The following MDGA2 variants were observed in gnomAD, a reference collection of about 807,000 sequenced individuals.
The protein encoded by MDGA2 is MAM domain-containing glycosylphosphatidylinositol anchor protein 2.
MDGA2 carries 40 observed loss-of-function variants against 117.8 expected under a neutral mutation model. That is an observed-to-expected ratio of 0.34 (90% CI 0.26 to 0.44). The LOEUF (loss-of-function observed/expected upper bound fraction) is 0.44, where lower values mean the gene tolerates loss of function less well. MDGA2 is among the 20% of genes least tolerant of loss of function. The pLI is 1.00. For missense variants in MDGA2, 1,123 were observed against 1,250.6 expected, an observed-to-expected ratio of 0.90 and a Z score of 1.54; for synonymous variants, 452 against 439.0, an observed-to-expected ratio of 1.03 and a Z score of -0.37.
chr14:47,497,055 G>C (rs1000187993), intron 1 of MDGA2, among the ~76,000 whole-genome samples: 3 of 152,044 alleles, frequency 2.0e-5, no homozygotes, highest in Non-Finnish European at 4.4e-5. Context: ...CTCACACGCT[G>C]CTCACCTCCT....
chr14:47,030,440 G>C (rs1306987722), intron 8 of MDGA2, among the ~76,000 whole-genome samples: 2 of 151,950 alleles, frequency 1.3e-5, no homozygotes, highest in African/African-American at 4.8e-5. Flanking sequence ...CTTGAACCAG[G>C]GAGGCGGAAG....
chr14:47,484,995 C>T (rs988086124), intron 1 of MDGA2, among the ~76,000 whole-genome samples: 5 of 152,028 alleles, frequency 3.3e-5, no homozygotes, highest in African/African-American at 1.2e-4. Context: ...CAGACTAATA[C>T]AGTAAATTGG....
At chr14:46,858,428 C>CT (rs71112466) in intron 14 of MDGA2, among the ~76,000 whole-genome samples, 2,240 of 123,772 alleles carry the variant, frequency 0.018, 35 homozygotes, top group Non-Finnish European at 0.021. Context: ...TTCTTTTTTT[C>CT]TTTTTTTTTT....
chr14:47,310,998 G>T (rs1173585057), intron 1 of MDGA2, among the ~76,000 whole-genome samples: 1 of 152,084 alleles, frequency 6.6e-6, no homozygotes, highest in Non-Finnish European at 1.5e-5. Flanking sequence ...CATATATCAT[G>T]TGGGCAATGA....
intron 2 of MDGA2, among the ~76,000 whole-genome samples, chr14:47,250,474 T>C (rs1887408640): frequency 6.6e-6 from 1 of 152,224 alleles, no homozygotes; most frequent in Non-Finnish European, 1.5e-5. Context: ...ATTCCCAATG[T>C]GATCGTATTA....
chr14:47,084,253 A>T (rs576691291), intron 6 of MDGA2, among the ~76,000 whole-genome samples: 1 of 152,232 alleles, frequency 6.6e-6, no homozygotes, highest in East Asian at 1.9e-4. Context: ...ATTATAGGAA[A>T]TCTCCAAATT....
intron 1 of MDGA2, among the ~76,000 whole-genome samples, chr14:47,371,146 C>T (rs1166299158): frequency 6.6e-6 from 1 of 151,796 alleles, no homozygotes; most frequent in Non-Finnish European, 1.5e-5. Context: ...AACTTTAAAA[C>T]TGCAAGCCAG....
chr14:47,467,472 C>T (rs777039197), intron 1 of MDGA2, among the ~76,000 whole-genome samples: 3 of 152,084 alleles, frequency 2.0e-5, no homozygotes, highest in African/African-American at 2.4e-5. Context: ...CACCCTCCTC[C>T]GTTCATTAAT....
chr14:47,291,774 T>A (rs1195749036), intron 2 of MDGA2, among the ~76,000 whole-genome samples: 1 of 152,208 alleles, frequency 6.6e-6, no homozygotes, highest in East Asian at 1.9e-4. Flanking sequence ...TTCTGCTGAA[T>A]GCTTATGACT....
At chr14:47,371,153 C>G (rs1011591077) in intron 1 of MDGA2, among the ~76,000 whole-genome samples, 3 of 151,726 alleles carry the variant, frequency 2.0e-5, no homozygotes, top group African/African-American at 7.3e-5. Context: ...AAACTGCAAG[C>G]CAGGATTCCC....
intron 4 of MDGA2, among the ~76,000 whole-genome samples, chr14:47,138,375 G>T (rs1026750603): frequency 1.3e-5 from 2 of 151,910 alleles, no homozygotes; most frequent in Non-Finnish European, 1.5e-5. Context: ...ATGTAAATAT[G>T]TTCAGTCTTG....
chr14:46,941,750 T>TTTG (rs1409239918), intron 9 of MDGA2, among the ~76,000 whole-genome samples: 12 of 152,124 alleles, frequency 7.9e-5, no homozygotes, highest in Non-Finnish European at 1.6e-4. Flanking sequence ...TTCAGTTTTC[T>TTTG]TTGTTCTATT....
At chr14:46,870,347 A>G (rs1881945919) in intron 14 of MDGA2, among the ~76,000 whole-genome samples, 1 of 152,006 alleles carries the variant, frequency 6.6e-6, no homozygotes, top group African/African-American at 2.4e-5. Context: ...AGGACAAGGC[A>G]TCTTTGAATC....
chr14:46,894,859 T>C (rs1254095598), intron 10 of MDGA2, among the ~76,000 whole-genome samples: 1 of 152,204 alleles, frequency 6.6e-6, no homozygotes, highest in Admixed American at 6.5e-5. Flanking sequence ...AAAAACTTGC[T>C]TCCTATCAAG....
intron 1 of MDGA2, among the ~76,000 whole-genome samples, chr14:47,663,856 T>C (rs1035416703): frequency 3.3e-5 from 5 of 152,140 alleles, no homozygotes; most frequent in Non-Finnish European, 5.9e-5. Context: ...TTTTATAAAC[T>C]GCTGTTTTCC....
At chr14:47,397,541 T>G (rs1892040837) in intron 1 of MDGA2, among the ~76,000 whole-genome samples, 1 of 151,526 alleles carries the variant, frequency 6.6e-6, no homozygotes, top group Non-Finnish European at 1.5e-5. Flanking sequence ...AGACCTAACA[T>G]TGAATTATGA....
chr14:47,525,156 A>G (rs985423945), intron 1 of MDGA2, among the ~76,000 whole-genome samples: 17 of 152,230 alleles, frequency 1.1e-4, no homozygotes, highest in Non-Finnish European at 1.2e-4. Flanking sequence ...TGGATAACAC[A>G]GAACAAGAAA....
chr14:47,115,678 T>C (rs1403556954), intron 5 of MDGA2, among the ~76,000 whole-genome samples: 1 of 151,886 alleles, frequency 6.6e-6, no homozygotes, highest in Non-Finnish European at 1.5e-5. Context: ...GAATAAAGGA[T>C]AAAAATCACA....
chr14:46,877,391 A>T (rs1296742994), intron 12 of MDGA2, 98 bp downstream of exon 12: 3 of 658,018 alleles, frequency 4.6e-6, no homozygotes, highest in Non-Finnish European at 7.4e-6. Flanking sequence ...TTTTAAACCA[A>T]CTAAGAATAG....
Sources: allele counts gnomAD v4.1 joint callset (sites outside exome capture counted in the v4.1 genomes callset), GRCh38; gene constraint gnomAD v4.1.1; transcripts MANE v1.5; gene names NCBI Gene and HGNC (gene_info 2026-07-23, HGNC 2026-07-21).